TCEAL4: variants seen among roughly 807,000 people sequenced by gnomAD.
TCEAL4 encodes the protein transcription elongation factor A like 4.
In TCEAL4, 1 loss-of-function variant was observed where a neutral mutation model predicts 1.3. The observed-to-expected ratio is 0.79, with a 90% CI of 0.28 to 3.76. The LOEUF (loss-of-function observed/expected upper bound fraction) is 3.76, where lower values mean the gene tolerates loss of function less well. TCEAL4 is among the 30% of genes most tolerant of loss of function. TCEAL4 has a pLI of 0.18. For synonymous variants in TCEAL4, 54 were observed against 50.7 expected (o/e 1.06, Z -0.28); for missense variants, 129 against 154.7 (o/e 0.83, Z 0.88).
rs1251691880 is a variant in TCEAL4 at position 103,586,782 on chromosome X, T to C, written c.107T>C (p.Leu36Pro). The C allele has an allele frequency of 6.6e-6, 8 of 1,209,624 alleles. No homozygotes were observed. The African/African-American group carries it at 1.4e-4, about 21-fold the overall frequency. ...AGAAAGCCAGAAGTAACTTGTACTCTGGAAGACAAGAAGTTAGAAAACGAG... is the reference window on the plus strand; with the variant it reads ...AGAAAGCCAGAAGTAACTTGTACTCCGGAAGACAAGAAGTTAGAAAACGAG... ...DERKPEVTCT[L>P]EDKKLENEGK... is the part of the protein sequence containing the mutation. Residue 36 changes from leucine to proline, a missense_variant, in exon 3 of 3, where the codon CTG becomes CCG. Transcript: ENST00000472484.
At chrX:103,584,324 C>T (rs752413615), upstream of TCEAL4, among the ~76,000 whole-genome samples, 1 of 111,731 alleles carries the variant, frequency 9.0e-6, no homozygotes, top group Non-Finnish European at 1.9e-5. Flanking sequence ...TGTCCCCAGT[C>T]CTTCAACAAA....
chrX:103,576,432 G>A, exon 1 of TCEAL4: 1 of 1,165,823 alleles, frequency 8.6e-7, no homozygotes. Context: ...TCAGCTGCTA[G>A]GTTCTTATTT....
At chrX:103,579,047 G>T (rs1161460250) in intron 2 of TCEAL4, among the ~76,000 whole-genome samples, 2 of 111,981 alleles carry the variant, frequency 1.8e-5, no homozygotes, top group South Asian at 3.7e-4. Context: ...CATTTTTTCT[G>T]CAGGTAGATA....
upstream of TCEAL4, among the ~76,000 whole-genome samples, chrX:103,580,598 C>T (rs755728172): frequency 3.6e-5 from 4 of 110,806 alleles, no homozygotes; most frequent in Non-Finnish European, 7.6e-5. Context: ...CTGGGACTAC[C>T]GGTGTGCGCC....
In TCEAL4 at chrX:103,587,285, G is replaced by T. The variant is rs749856659; in HGVS notation, c.610G>T (p.Ala204Ser). Residue 204 changes from alanine (A) to serine (S), a missense_variant, in exon 3 of 3, where the codon GCC becomes TCC. This residue lies in a region of TCEAL4 where 13 missense variants were observed against 34.4 expected (regional missense o/e 0.38). Coordinates refer to ENST00000472484, the MANE Select transcript of TCEAL4 (RefSeq NM_001006935.3). Reference protein sequence around the residue: ...GPREFRGGCRAPRRDIEDIPY... With the variant: ...GPREFRGGCRSPRRDIEDIPY... ...AAGGGAATTCAGGGGTGGCTGCAGG[G>T]CCCCACGAAGGGACATTGAAGACAT... 3 of 1,190,148 alleles carry T rather than the reference G, an allele frequency of 2.5e-6. No homozygotes were observed. The highest frequency in any genetic ancestry group is 3.4e-6 in the Non-Finnish European group (3 of 887,701).
At chrX:103,577,225 G>T (rs2073488170) in intron 2 of TCEAL4, 2 of 1,159,954 alleles carry the variant, frequency 1.7e-6, no homozygotes, top group Non-Finnish European at 2.3e-6. Context: ...TAAATAAATG[G>T]ATGCAATATG....
At chrX:103,585,435 T>A, upstream of TCEAL4, 1 of 1,048,118 alleles carries the variant, frequency 9.5e-7, no homozygotes, top group Non-Finnish European at 1.2e-6. Context: ...GCTGGAGAGG[T>A]GGTGGGTGGC....
chrX:103,586,051 G>A (rs1163482735), intron 1 of TCEAL4, 168 bp from the exon 2 acceptor site: 3 of 1,085,607 alleles, frequency 2.8e-6, no homozygotes, highest in Non-Finnish European at 3.6e-6. Context: ...AGTTTGGAAA[G>A]CATCCTGATT....
chrX:103,586,117 GA>G, intron 1 of TCEAL4, 101 bp from the exon 2 acceptor site: 1 of 1,115,749 alleles, frequency 9.0e-7, no homozygotes, highest in South Asian at 2.2e-5. Context: ...GGTAGGGGAG[GA>G]AAACGTTGGA....
chrX:103,586,710 C>G lies in TCEAL4; in HGVS notation c.35C>G (p.Ala12Gly), dbSNP rs777326854. 3 of 1,211,585 alleles carry G rather than the reference C, an allele frequency of 2.5e-6. No individual in the cohort carries two copies. Among genetic ancestry groups the G allele is most frequent in the Middle Eastern group, 4.6e-4 (2 of 4,348 alleles). Residue 12 changes from alanine to glycine, a missense_variant, in exon 3 of 3, where the codon GCT (alanine) becomes GGT (glycine). Physicochemically the swap from Ala to Gly is moderately conservative, Grantham distance 60 (BLOSUM62 0). This residue lies in a region of TCEAL4 where 116 missense variants were observed against 120.3 expected (regional missense o/e 0.96). Coordinates refer to ENST00000472484, the MANE Select transcript of TCEAL4 (RefSeq NM_001006935.3). ...EKLYSENEGMASNQGKMENEE... is the reference protein window; with the variant it reads ...EKLYSENEGMGSNQGKMENEE... ...CTCTACAGTGAAAATGAAGGAATGGCTTCAAACCAAGGAAAGATGGAAAAT... is the reference window on the plus strand; with the variant it reads ...CTCTACAGTGAAAATGAAGGAATGGGTTCAAACCAAGGAAAGATGGAAAAT...
At chrX:103,585,417 G>A (rs2073530775), upstream of TCEAL4, 11 of 1,020,270 alleles carry the variant, frequency 1.1e-5, no homozygotes, top group South Asian at 1.4e-4. Context: ...GGAGGTAAGA[G>A]GGTACCTGCT....
chrX:103,586,986 G>A lies in TCEAL4; in HGVS notation c.311G>A (p.Gly104Glu), dbSNP rs1417774278. 8.3e-7 allele frequency: 1 copy of A among 1,208,908 alleles called. No individual in the cohort carries two copies. Among genetic ancestry groups the A allele is most frequent in the African/African-American group, 1.8e-5 (1 of 56,733 alleles). Residue 104 changes from glycine to glutamate, a missense_variant, in exon 3 of 3, where the codon GGA (glycine) becomes GAA (glutamate). Transcript: ENST00000472484. ...PEIEGKPESEGEPGSETRAAG... is the reference protein window; with the variant it reads ...PEIEGKPESEEEPGSETRAAG... ...ATAGAGGGAAAGCCAGAGAGTGAAG[G>A]AGAGCCAGGGAGTGAAACAAGGGCT... is the stretch of plus-strand genomic sequence containing the variant.
At chrX:103,585,427 T>G (rs2073530826), upstream of TCEAL4, 1 of 1,057,162 alleles carries the variant, frequency 9.5e-7, no homozygotes, top group African/African-American at 1.9e-5. Flanking sequence ...GGGTACCTGC[T>G]GGAGAGGTGG....
chrX:103,587,085 A>C lies in TCEAL4; in HGVS notation c.410A>C (p.Tyr137Ser), dbSNP rs367788883. ...KRKTNKGLAH[Y>S]LKEYKEAIHD... ...AAAACTAATAAGGGGCTGGCTCATTACCTCAAGGAGTATAAAGAGGCCATA... is the reference window on the plus strand; with the variant it reads ...AAAACTAATAAGGGGCTGGCTCATTCCCTCAAGGAGTATAAAGAGGCCATA... The change falls in exon 3 of 3, where the codon TAC (tyrosine) becomes TCC (serine). Residue 137 changes from tyrosine to serine, a missense_variant. Tyr to Ser is a moderately radical substitution (Grantham distance 144, BLOSUM62 -2). Around this residue, in one of 2 missense-constraint regions of TCEAL4, gnomAD observed 116 missense variants for 120.3 expected, o/e 0.96. Transcript: ENST00000472484. 3 of 1,211,891 alleles carry C rather than the reference A, an allele frequency of 2.5e-6. No individual in the cohort carries two copies. The highest frequency in any genetic ancestry group is 3.3e-6 in the Non-Finnish European group (3 of 895,563).
Position 103,586,944 on chromosome X carries a change from G to GAGAGGGAAAACCAGAGAT in TCEAL4, c.279_296dup (p.Ile96_Glu101dup), listed in dbSNP as rs762068475. 4 of 1,206,428 alleles carry GAGAGGGAAAACCAGAGAT rather than the reference G, an allele frequency of 3.3e-6. No homozygotes were observed. In the East Asian group the frequency reaches 1.2e-4, roughly 36 times the overall value. On this transcript the variant is annotated inframe_insertion, in exon 3 of 3. Coordinates refer to ENST00000472484, the MANE Select transcript of TCEAL4 (RefSeq NM_001006935.3). ...TCAGAGATGGAGGGAGGATCAGAGA[G>GAGAGGGAAAACCAGAGAT]AGAGGGAAAACCAGAGATAGAGGGA...
chrX:103,576,615 T>A, intron 1 of TCEAL4: 1 of 537,858 alleles, frequency 1.9e-6, no homozygotes, highest in Non-Finnish European at 3.1e-6. Context: ...AATATAAAAA[T>A]TAGCCTGGTG....
upstream of TCEAL4, among the ~76,000 whole-genome samples, chrX:103,583,649 G>A (rs940958401): frequency 1.8e-5 from 2 of 111,840 alleles, no homozygotes; most frequent in Non-Finnish European, 3.8e-5. Flanking sequence ...ACTGGGAGCT[G>A]AATGATGAGA....
In TCEAL4 at chrX:103,587,371, ATACTT is replaced by A. The variant is rs763393492; in HGVS notation, c.*56_*60del. On this transcript the variant is annotated 3_prime_UTR_variant, in exon 3 of 3. Transcript: ENST00000472484. ...GGCCATGTGCTTTAACGTTACGGTAATACTTTACTTTAGGCATCCCTCCTGTTGCT... is the reference window on the plus strand; with the variant it reads ...GGCCATGTGCTTTAACGTTACGGTAATACTTTAGGCATCCCTCCTGTTGCT... 105 of 1,130,121 alleles carry A rather than the reference ATACTT, an allele frequency of 9.3e-5. No individual in the cohort carries two copies. Among genetic ancestry groups the A allele is most frequent in the Non-Finnish European group, 1.1e-4 (91 of 856,737 alleles). The allele number at this position is 1,130,121 out of a possible 1,213,427, so 93.1% of individuals were successfully genotyped here. A position where few individuals can be genotyped will look rare whatever the true frequency, so the allele number is the denominator to read the frequency against.
upstream of TCEAL4, among the ~76,000 whole-genome samples, chrX:103,581,641 C>A (rs1179482001): frequency 1.8e-5 from 2 of 111,345 alleles, no homozygotes; most frequent in African/African-American, 6.5e-5. Flanking sequence ...AAGACAAAAA[C>A]CACATGATTA....
Sources: gnomAD v4.1 joint callset for allele counts (sites outside exome capture counted in the v4.1 genomes callset) on GRCh38, gnomAD v4.1.1 for gene constraint, gnomAD v4.1.1 regional missense constraint, MANE v1.5 for transcripts, NCBI Gene and HGNC (gene_info 2026-07-23, HGNC 2026-07-21) for gene names.